ZYG11A: variants seen among roughly 807,000 people sequenced by gnomAD.
ZYG11A encodes protein zyg-11 homolog A.
Under a neutral mutation model 77.2 loss-of-function variants are expected in ZYG11A, and 62 were observed. The ratio of observed to expected loss-of-function variants is 0.80; its 90% CI spans 0.65 to 0.99. The LOEUF is 0.99. Among genes scored for constraint, ZYG11A ranks in the 50% least tolerant of loss-of-function variants. The pLI, the probability that ZYG11A is intolerant of heterozygous loss-of-function variation, is 0.00. For synonymous variants in ZYG11A, 315 were observed against 324.6 expected, an observed-to-expected ratio of 0.97 and a Z score of 0.32; for missense variants, 828 against 896.8, an observed-to-expected ratio of 0.92 and a Z score of 0.98.
At chr1:52,853,520 C>T (rs750585793) in intron 1 of ZYG11A, among the ~76,000 whole-genome samples, 8 of 152,136 alleles carry the variant, frequency 5.3e-5, no homozygotes, top group South Asian at 2.1e-4. Flanking sequence ...GTATTCTTCA[C>T]TAAACTTTAG....
At chr1:52,868,053 G>A (rs1044640350) in intron 8 of ZYG11A, among the ~76,000 whole-genome samples, 32 of 76,018 alleles carry the variant, frequency 4.2e-4, no homozygotes, top group Non-Finnish European at 6.7e-4. Context: ...TGCAACCTCC[G>A]CCTCCTGGGT....
intron 11 of ZYG11A, among the ~76,000 whole-genome samples, chr1:52,884,314 G>C (rs1196072007): frequency 6.6e-6 from 1 of 152,006 alleles, no homozygotes; most frequent in Non-Finnish European, 1.5e-5. Context: ...GGCTAACATG[G>C]TGAAACCCTG....
chr1:52,858,413 C>T (rs2149996525), intron 3 of ZYG11A, among the ~76,000 whole-genome samples: 1 of 151,286 alleles, frequency 6.6e-6, no homozygotes, highest in Admixed American at 6.6e-5. Context: ...TCAAGTGATT[C>T]TCCTGCCTCG....
rs149488433 is a variant in ZYG11A at position 52,877,384 on chromosome 1, T to C, written c.1543-298T>C. 4.5e-3 allele frequency among the ~76,000 whole-genome samples: 691 copies of C among 152,284 alleles called. 9 individuals are homozygous for C. Among genetic ancestry groups the C allele is most frequent in the East Asian group, 0.03 (154 of 5,190 alleles). On this transcript the variant is annotated intron_variant, in intron 8 of 13. Transcript: ENST00000371528. The stretch of plus-strand genomic sequence containing the variant: ...TCTTTTGTACTTGGCTTAGAGAAGG[T>C]GTTGACTAAGTGTTCTAAATAAAAA...
At chr1:52,882,811 C>T (rs2150019173) in intron 11 of ZYG11A, among the ~76,000 whole-genome samples, 1 of 152,264 alleles carries the variant, frequency 6.6e-6, no homozygotes, top group African/African-American at 2.4e-5. Context: ...ATCACAATGG[C>T]TTACCCTGTG....
chr1:52,861,439 G>A (rs964859062), intron 4 of ZYG11A, among the ~76,000 whole-genome samples: 2 of 152,126 alleles, frequency 1.3e-5, no homozygotes, highest in African/African-American at 4.8e-5. Flanking sequence ...CCTTAAAAAT[G>A]TGGATATTTT....
chr1:52,890,201 T>C (rs980884672), intron 13 of ZYG11A, among the ~76,000 whole-genome samples: 5 of 150,444 alleles, frequency 3.3e-5, no homozygotes, highest in Admixed American at 2.7e-4. Context: ...GAATTCCAGA[T>C]AGTTACTTAC....
rs12406595 is a variant in ZYG11A at position 52,886,081 on chromosome 1, C to T, written c.2006+187C>T. Among the ~76,000 whole-genome samples the T allele has an allele frequency of 3.0e-3, 455 of 152,178 alleles. 11 individuals carry two copies. Among genetic ancestry groups the T allele is most frequent in the Admixed American group, 0.023 (352 of 15,280 alleles). On this transcript the variant is annotated intron_variant, in intron 12 of 13. Coordinates refer to ENST00000371528, the MANE Select transcript of ZYG11A (RefSeq NM_001004339.3). ...CCGAGTAGCTGGGACTACAGGCACC[C>T]GCCACCATGCCCGGCTAATTTTTTG...
At chr1:52,866,784 T>C (rs1184879241) in intron 6 of ZYG11A, among the ~76,000 whole-genome samples, 1 of 152,196 alleles carries the variant, frequency 6.6e-6, no homozygotes, top group Non-Finnish European at 1.5e-5. Context: ...CCAAACATAC[T>C]TGGACTCAAG....
rs541830919 is a variant in ZYG11A at position 52,843,767 on chromosome 1, A to G, written c.90+794A>G. 1.1e-4 allele frequency among the ~76,000 whole-genome samples: 16 copies of G among 146,376 alleles called. No individual in the cohort carries two copies. The South Asian group carries it at 1.9e-3, about 18-fold the overall frequency. On this transcript the variant is annotated intron_variant, in intron 1 of 13. Transcript: ENST00000371528. ...AGTGGCGCGATCTGGGCCCACTGCA[A>G]CCTCCGCCTCCGGGGTTCAAGCGAT...
At chr1:52,887,962 C>G (rs887877692) in intron 13 of ZYG11A, among the ~76,000 whole-genome samples, 4 of 151,822 alleles carry the variant, frequency 2.6e-5, no homozygotes, top group African/African-American at 7.3e-5. Context: ...AACAGGAAAC[C>G]CAAGAGACAA....
intron 8 of ZYG11A, among the ~76,000 whole-genome samples, chr1:52,877,061 GT>G (rs1646273928): frequency 6.6e-6 from 1 of 152,150 alleles, no homozygotes; most frequent in East Asian, 1.9e-4. Flanking sequence ...GACCTGCTCA[GT>G]GGCTTAGAGC....
intron 1 of ZYG11A, among the ~76,000 whole-genome samples, chr1:52,852,204 G>A (rs1435495897): frequency 1.3e-5 from 2 of 151,386 alleles, no homozygotes. Flanking sequence ...GTGAGCCACC[G>A]TGCCTGGCCA....
chr1:52,882,992 A>G (rs192428775), intron 11 of ZYG11A, among the ~76,000 whole-genome samples: 1 of 144,948 alleles, frequency 6.9e-6, no homozygotes, highest in Admixed American at 6.7e-5. Context: ...ATCTTTTCAT[A>G]TCTAGCTCAT....
At chr1:52,867,984 T>TTTTTTTTTTG (rs1646059865) in intron 8 of ZYG11A, among the ~76,000 whole-genome samples, 1 of 146,080 alleles carries the variant, frequency 6.8e-6, no homozygotes, top group Admixed American at 6.8e-5. Context: ...TTTTTTTTTT[T>TTTTTTTTTTG]GAGACAGAGT....
In ZYG11A at chr1:52,857,208, A is replaced by C. The variant is rs1434469306; in HGVS notation, c.467A>C (p.Gln156Pro). The change falls in exon 3 of 14, where the codon CAA becomes CCA. Residue 156 changes from glutamine (Q) to proline (P), a missense_variant. Coordinates refer to ENST00000371528, the MANE Select transcript of ZYG11A (RefSeq NM_001004339.3). ...CTCTGCAGCAATAGGTGGATCCAGC[A>C]AAACCTCCAGTGTCTCCTGTTAGAC... is the stretch of plus-strand genomic sequence containing the variant. ...SGLCSNRWIQ[Q>P]NLQCLLLDST... The C allele has an allele frequency of 6.4e-7, 1 of 1,552,158 alleles. No homozygotes were observed. Among genetic ancestry groups the C allele is most frequent in the Non-Finnish European group, 8.7e-7 (1 of 1,147,136 alleles).
In ZYG11A at chr1:52,894,525, T is replaced by C. The variant is rs914368021; in HGVS notation, c.*1568T>C. Reference sequence around the variant, plus strand: ...CTGTTAATGAACATGTTTTGTCATTTATCTGTTTAAGTTTTTCAGAAAATA... The same window carrying C: ...CTGTTAATGAACATGTTTTGTCATTCATCTGTTTAAGTTTTTCAGAAAATA... On this transcript the variant is annotated 3_prime_UTR_variant, in exon 14 of 14. Transcript: ENST00000371528. The C allele has an allele frequency of 6.6e-5, 10 of 152,356 alleles. No individual in the cohort carries two copies. Among genetic ancestry groups the C allele is most frequent in the African/African-American group, 2.4e-4 (10 of 41,592 alleles). The allele number at this position is 152,356 out of a possible 1,614,324, so 9.4% of individuals were successfully genotyped here.
intron 8 of ZYG11A, among the ~76,000 whole-genome samples, chr1:52,870,537 C>T (rs999952486): frequency 2.0e-5 from 3 of 152,186 alleles, no homozygotes; most frequent in African/African-American, 4.8e-5. Flanking sequence ...TGTAGTGAGC[C>T]GAGATCACGC....
At position 52,863,234 on chromosome 1, in the gene ZYG11A, G is replaced by T. The variant is rs193041989; in HGVS notation, c.1150-747G>T. On this transcript the variant is annotated intron_variant, in intron 4 of 13. Coordinates refer to ENST00000371528, the MANE Select transcript of ZYG11A (RefSeq NM_001004339.3). Reference sequence around the variant, plus strand: ...GTCCTTGAATGACAGAGCAGGTGGGGTCTAAGCTTGGAACAATGCCCTCAT... The same window carrying T: ...GTCCTTGAATGACAGAGCAGGTGGGTTCTAAGCTTGGAACAATGCCCTCAT... Among the ~76,000 whole-genome samples, 362 of 152,302 alleles carry T rather than the reference G, an allele frequency of 2.4e-3. 4 individuals carry two copies. The highest frequency in any genetic ancestry group is 8.3e-3 in the African/African-American group (345 of 41,568).
Sources: allele counts gnomAD v4.1 joint callset (sites outside exome capture counted in the v4.1 genomes callset), GRCh38; gene constraint gnomAD v4.1.1; transcripts MANE v1.5; gene names NCBI Gene and HGNC (gene_info 2026-07-23, HGNC 2026-07-21).